ZNF439: variants seen among roughly 807,000 people sequenced by gnomAD.
ZNF439 encodes zinc finger protein 439.
ZNF439 carries 40 observed loss-of-function variants against 47.3 expected under a neutral mutation model. The observed-to-expected ratio is 0.85, with a 90% confidence interval of 0.66 to 1.10. The LOEUF (loss-of-function observed/expected upper bound fraction) is 1.10, where lower values mean the gene tolerates loss of function less well. Ranked by LOEUF, ZNF439 falls within the 50% of genes least tolerant of loss-of-function variation. The pLI, the probability that ZNF439 is intolerant of heterozygous loss-of-function variation, is 0.00. For synonymous variants in ZNF439, 171 were observed against 198.8 expected (o/e 0.86, Z 1.18); for missense variants, 556 against 601.1 (o/e 0.93, Z 0.78).
At chr19:11,853,073 G>A (rs1418498115) in intron 1 of ZNF439, among the ~76,000 whole-genome samples, 1 of 151,990 alleles carries the variant, frequency 6.6e-6, no homozygotes, top group Non-Finnish European at 1.5e-5. Flanking sequence ...GGGATTACAG[G>A]CGCCTGCCAC....
At position 11,868,532 on chromosome 19, in the gene ZNF439, A is replaced by G. The variant is rs1976780296; in HGVS notation, c.1478A>G (p.Gln493Arg). Residue 493 changes from glutamine to arginine, a missense_variant, in exon 4 of 4, where the codon CAA becomes CGA. Coordinates refer to ENST00000682736, the MANE Select transcript of ZNF439 (RefSeq NM_001348719.2). ...VQNFRFHERT[Q>R]THKNALWRKT... ...AACTTTCGATTTCATGAAAGGACACAAACACATAAGAATGCACTCTGGAGA... is the reference window on the plus strand; with the variant it reads ...AACTTTCGATTTCATGAAAGGACACGAACACATAAGAATGCACTCTGGAGA... 1 of 1,612,932 alleles carries G rather than the reference A, an allele frequency of 6.2e-7. No individual in the cohort carries two copies. The highest frequency in any genetic ancestry group is 8.5e-7 in the Non-Finnish European group (1 of 1,179,480).
At chr19:11,858,079 G>C (rs1976434323) in intron 1 of ZNF439, 1 of 152,156 alleles carries the variant, frequency 6.6e-6, no homozygotes, top group African/African-American at 2.4e-5. Flanking sequence ...ACTTTCCTTT[G>C]ATAAAGAGAA....
rs1215153947 is a variant in ZNF439, at chr19:11,867,616, A to G, written c.562A>G (p.Lys188Glu). The change falls in exon 4 of 4, where the codon AAG (lysine) becomes GAG (glutamate). Residue 188 changes from lysine to glutamate, a missense_variant. Coordinates refer to ENST00000682736, the MANE Select transcript of ZNF439 (RefSeq NM_001348719.2). The stretch of plus-strand genomic sequence containing the variant: ...AACACAAGAAAGGGATCACACTGGA[A>G]AGAAACCCTATGCTTGTAAAGAATG... ...LRTQERDHTGKKPYACKECGK... is the reference protein window; with the variant it reads ...LRTQERDHTGEKPYACKECGK... 4 of 1,614,022 alleles carry G rather than the reference A, an allele frequency of 2.5e-6. No individual in the cohort carries two copies. The highest frequency in any genetic ancestry group is 4.5e-5 in the East Asian group (2 of 44,888).
At position 11,866,562 on chromosome 19, in the gene ZNF439, T is replaced by C. The variant is rs942935936; in HGVS notation, c.216T>C (p.Ile72=). The C allele has an allele frequency of 6.2e-7, 1 of 1,613,570 alleles. No homozygotes were observed. Among genetic ancestry groups the C allele is most frequent in the African/African-American group, 1.3e-5 (1 of 74,906 alleles). Residue 72 remains isoleucine, a synonymous_variant, in exon 3 of 4, where the codon ATT becomes ATC. Transcript: ENST00000682736. ...GAAAAAAGTGGAAAGACCAGAACAT[T>C]GAATATGAGTACCAAAACCCCAGGA... ...SIGKKWKDQN[I]EYEYQNPRRN...
rs985924948 is a variant in ZNF439, at chr19:11,868,077, C to T, written c.1023C>T (p.Ser341=). 8 of 1,613,976 alleles carry T rather than the reference C, an allele frequency of 5.0e-6. No individual in the cohort carries two copies. The African/African-American group carries it at 8.0e-5, about 16-fold the overall frequency. Residue 341 remains serine (S), a synonymous_variant, in exon 4 of 4, where the codon TCC becomes TCT. Transcript: ENST00000682736. The part of the protein sequence containing the change: ...YECKQCGKAL[S]SLTSFQTHIR... ...GTAAGCAGTGTGGGAAAGCATTATCCTCTCTTACAAGTTTTCAAACACACA... is the reference window on the plus strand; with the variant it reads ...GTAAGCAGTGTGGGAAAGCATTATCTTCTCTTACAAGTTTTCAAACACACA...
In ZNF439 at chr19:11,848,931, G is replaced by C; in HGVS notation, c.63+1G>C. The C allele has an allele frequency of 6.4e-7, 1 of 1,566,080 alleles. No individual in the cohort carries two copies. The highest frequency in any genetic ancestry group is 8.7e-7 in the Non-Finnish European group (1 of 1,149,996). On this transcript the variant is annotated splice_donor_variant, in intron 1 of 3. Transcript: ENST00000682736. LOFTEE classifies it high-confidence loss of function. ...CGGTACATCTGAAAGCCGGGAAATG[G>C]TGCGTGTGCTGGCCGGGAGTGGTGC...
chr19:11,849,262 C>T, intron 1 of ZNF439: 2 of 1,018,652 alleles, frequency 2.0e-6, no homozygotes, highest in East Asian at 1.1e-4. Context: ...GGAGGAGCAG[C>T]GGTCTGTGGG....
chr19:11,849,335 T>C, intron 1 of ZNF439: 1 of 979,780 alleles, frequency 1.0e-6, no homozygotes, highest in South Asian at 4.4e-5. Context: ...AAAAGTTCAT[T>C]TGAGGAAACA....
At chr19:11,851,636 G>A (rs1221561627) in intron 1 of ZNF439, among the ~76,000 whole-genome samples, 1 of 151,462 alleles carries the variant, frequency 6.6e-6, no homozygotes, top group Non-Finnish European at 1.5e-5. Context: ...TCCATAGAAG[G>A]CTGATGTATG....
chr19:11,849,304 T>C (rs1301405098), intron 1 of ZNF439: 2 of 1,005,230 alleles, frequency 2.0e-6, no homozygotes, highest in East Asian at 1.1e-4. Context: ...CTGTTAAAAA[T>C]TATACTGAGG....
At chr19:11,849,370 G>T (rs1279461373) in intron 1 of ZNF439, 2 of 843,984 alleles carry the variant, frequency 2.4e-6, no homozygotes, top group African/African-American at 1.8e-5. Context: ...AGAAACACCC[G>T]GTCCTGGCTT....
At position 11,868,490 on chromosome 19, in the gene ZNF439, C is replaced by G. The variant is rs72994214; in HGVS notation, c.1436C>G (p.Ala479Gly). ...TATGAATGTAAGAAATGTGGGAAAG[C>G]CTTCAGATATGTCCAGAACTTTCGA... is the stretch of plus-strand genomic sequence containing the variant. ...KPYECKKCGKAFRYVQNFRFH... is the reference protein window; with the variant it reads ...KPYECKKCGKGFRYVQNFRFH... Residue 479 changes from alanine (A) to glycine (G), a missense_variant, in exon 4 of 4, where the codon GCC (alanine) becomes GGC (glycine). By Grantham distance (60) the Ala-to-Gly change is moderately conservative. Coordinates refer to ENST00000682736, the MANE Select transcript of ZNF439 (RefSeq NM_001348719.2). 0.03 allele frequency: 48,810 copies of G among 1,613,256 alleles called. 853 individuals are homozygous for G. The highest frequency in any genetic ancestry group is 0.076 in the East Asian group (3,422 of 44,756).
At position 11,868,144 on chromosome 19, in the gene ZNF439, T is replaced by C. The variant is rs769736558; in HGVS notation, c.1090T>C (p.Cys364Arg). ...SGERPYECKTCGKGFYSAKSF... is the reference protein window; with the variant it reads ...SGERPYECKTRGKGFYSAKSF... ...AGAAAGACCTTATGAATGTAAGACA[T>C]GTGGGAAAGGCTTTTATTCTGCCAA... The change falls in exon 4 of 4, where the codon TGT (cysteine) becomes CGT (arginine). Residue 364 changes from cysteine to arginine, a missense_variant. Cys to Arg is a radical substitution (Grantham distance 180, BLOSUM62 -3). Transcript: ENST00000682736. 2 of 1,614,020 alleles carry C rather than the reference T, an allele frequency of 1.2e-6. No individual in the cohort carries two copies. The highest frequency in any genetic ancestry group is 2.2e-5 in the South Asian group (2 of 91,072).
At chr19:11,853,402 G>A (rs920720527) in intron 1 of ZNF439, among the ~76,000 whole-genome samples, 6 of 152,240 alleles carry the variant, frequency 3.9e-5, no homozygotes, top group South Asian at 2.1e-4. Flanking sequence ...CGTGGGCCCC[G>A]AGCTTCTAGC....
At position 11,862,667 on chromosome 19, in the gene ZNF439, A is replaced by G. The variant is rs148768387; in HGVS notation, c.64-3538A>G. On this transcript the variant is annotated intron_variant, in intron 1 of 3. Transcript: ENST00000682736. ...TAGTGAATGAGAGTTCACTGTCACC[A>G]GCATTTGGAAGTATCAGTGTTTTGG... 5.1e-3 allele frequency among the ~76,000 whole-genome samples: 780 copies of G among 152,250 alleles called. 9 individuals carry two copies. Among genetic ancestry groups the G allele is most frequent in the African/African-American group, 0.018 (748 of 41,540 alleles).
rs1440375683 is a variant in ZNF439, at chr19:11,868,079, C to G, written c.1025C>G (p.Ser342Cys). The part of the protein sequence containing the change: ...ECKQCGKALS[S>C]LTSFQTHIRM... ...AAGCAGTGTGGGAAAGCATTATCCT[C>G]TCTTACAAGTTTTCAAACACACATA... Residue 342 changes from serine (S) to cysteine (C), a missense_variant, in exon 4 of 4, where the codon TCT (serine) becomes TGT (cysteine). Physicochemically the swap from Ser to Cys is moderately radical, Grantham distance 112. Transcript: ENST00000682736. 2.5e-6 allele frequency: 4 copies of G among 1,614,152 alleles called. No homozygotes were observed. The highest frequency in any genetic ancestry group is 3.4e-6 in the Non-Finnish European group (4 of 1,180,034).
chr19:11,863,097 T>C (rs1309396746), intron 1 of ZNF439, among the ~76,000 whole-genome samples: 1 of 151,902 alleles, frequency 6.6e-6, no homozygotes, highest in East Asian at 1.9e-4. Context: ...TCCTGTCATA[T>C]GTTTGTTTGC....
chr19:11,855,978 T>C (rs1399097373), intron 1 of ZNF439: 2 of 152,246 alleles, frequency 1.3e-5, no homozygotes, highest in Non-Finnish European at 2.9e-5. Flanking sequence ...TCCCGTTCCA[T>C]GGTGGCACGC....
chr19:11,853,317 G>A (rs376508047), intron 1 of ZNF439, among the ~76,000 whole-genome samples: 2 of 152,184 alleles, frequency 1.3e-5, no homozygotes, highest in Admixed American at 6.5e-5. Flanking sequence ...AAAGGAGGAC[G>A]AATGCGGGAA....
Sources: allele counts gnomAD v4.1 joint callset (sites outside exome capture counted in the v4.1 genomes callset), GRCh38; gene constraint gnomAD v4.1.1; transcripts MANE v1.5; gene names NCBI Gene and HGNC (gene_info 2026-07-23, HGNC 2026-07-21).